Variants in PRG4 observed in about 807,000 individuals in gnomAD.
The protein encoded by PRG4 is articular superficial zone protein.
Under a neutral mutation model 91.2 loss-of-function variants are expected in PRG4, and 61 were observed. The observed-to-expected ratio is 0.67, with a 90% CI of 0.54 to 0.83. The LOEUF (loss-of-function observed/expected upper bound fraction) is 0.83. Ranked by LOEUF, PRG4 falls within the 40% of genes least tolerant of loss-of-function variation. The pLI is 0.00. For synonymous variants in PRG4, 576 were observed against 614.2 expected (o/e 0.94, Z 0.92); for missense variants, 1,564 against 1,714.2 (o/e 0.91, Z 1.55).
At chr1:186,306,231 C>A in intron 6 of PRG4, 87 bp from the exon 7 acceptor site, 1 of 1,102,682 alleles carries the variant, frequency 9.1e-7, no homozygotes, top group Non-Finnish European at 1.3e-6. Flanking sequence ...AAACACACAA[C>A]TAGTCAATGA....
In PRG4 at chr1:186,308,196, C is replaced by T. The variant is rs763280675; in HGVS notation, c.2477C>T (p.Thr826Ile). 6.2e-7 allele frequency: 1 copy of T among 1,612,150 alleles called. No individual in the cohort carries two copies. The highest frequency in any genetic ancestry group is 8.5e-7 in the Non-Finnish European group (1 of 1,179,370). ...CCTGCTCCAACTACACCTAAGGAGACTGCTCCAACTACCCCCAAGGAGCCT... is the reference window on the plus strand; with the variant it reads ...CCTGCTCCAACTACACCTAAGGAGATTGCTCCAACTACCCCCAAGGAGCCT... ...DKPAPTTPKE[T>I]APTTPKEPAP... Residue 826 changes from threonine to isoleucine, a missense_variant, in exon 7 of 13, where the codon ACT (threonine) becomes ATT (isoleucine). Physicochemically the swap from Thr to Ile is moderately conservative, Grantham distance 89. This residue lies in a region of PRG4 where 1,079 missense variants were observed against 1,162.2 expected (regional missense o/e 0.93). Transcript: ENST00000445192.
Position 186,308,000 on chromosome 1 carries a change from ACCCCTAAGGAGC to A in PRG4, c.2283_2294del (p.Pro762_Pro765del), listed in dbSNP as rs1356474978. On this transcript the variant is annotated inframe_deletion, in exon 7 of 13. Coordinates refer to ENST00000445192, the MANE Select transcript of PRG4 (RefSeq NM_005807.6). ...TACCCCTAAGGGGACTGCTCCAACT[ACCCCTAAGGAGC>A]CTGCTCCAACTACCCCTAAGGAGCC... is the stretch of plus-strand genomic sequence containing the variant. 3.7e-6 allele frequency: 6 copies of A among 1,602,834 alleles called. No individual in the cohort carries two copies. In the Admixed American group the frequency reaches 8.6e-5, roughly 23 times the overall value.
At position 186,314,139 on chromosome 1, in the gene PRG4, G is replaced by T; in HGVS notation, c.*361G>T. 1.0e-6 allele frequency: 1 copy of T among 961,832 alleles called. No individual in the cohort carries two copies. Among genetic ancestry groups the T allele is most frequent in the Non-Finnish European group, 1.5e-6 (1 of 647,086 alleles). The allele number at this position is 961,832 out of a possible 1,614,324, so 59.6% of individuals were successfully genotyped here. A position where few individuals can be genotyped will look rare whatever the true frequency, so the allele number is the denominator to read the frequency against. On this transcript the variant is annotated 3_prime_UTR_variant, in exon 13 of 13. Coordinates refer to ENST00000445192, the MANE Select transcript of PRG4 (RefSeq NM_005807.6). ...ATCTAGGCATTGTGGATATAAAACT[G>T]TTGGGTATTCTACAACTTCAATGGA...
chr1:186,309,937 G>A (rs899260993), intron 8 of PRG4, 67 bp downstream of exon 8: 68 of 1,322,514 alleles, frequency 5.1e-5, no homozygotes, highest in Admixed American at 6.7e-5. Flanking sequence ...AACCAAAGCC[G>A]TGGAAGAGTG....
intron 5 of PRG4, among the ~76,000 whole-genome samples, chr1:186,304,470 T>C (rs184556836): frequency 6.6e-6 from 1 of 152,286 alleles, no homozygotes; most frequent in East Asian, 1.9e-4. Context: ...AGCATGAGTC[T>C]GGGTTAAAAC....
rs189065502 is a variant in PRG4 at position 186,299,150 on chromosome 1, T to C, written c.77-941T>C. Among the ~76,000 whole-genome samples the C allele has an allele frequency of 1.7e-4, 26 of 152,282 alleles. No homozygotes were observed. In the East Asian group the frequency reaches 4.6e-3, roughly 27 times the overall value. On this transcript the variant is annotated intron_variant, in intron 2 of 12. Coordinates refer to ENST00000445192, the MANE Select transcript of PRG4 (RefSeq NM_005807.6). ...TCATTTCTCAGGGAGGGTTTTAAGG[T>C]GGTGTTTTCCAAATGACTTTTAAAA...
chr1:186,306,124 T>A (rs1176382688), intron 6 of PRG4, among the ~76,000 whole-genome samples, 194 bp from the exon 7 acceptor site: 1 of 152,168 alleles, frequency 6.6e-6, no homozygotes, highest in Non-Finnish European at 1.5e-5. Flanking sequence ...TCATCCCTCA[T>A]CTCATTTATT....
chr1:186,313,674 C>CA lies in PRG4; in HGVS notation c.4118-6dup. 2 of 1,553,838 alleles carry CA rather than the reference C, an allele frequency of 1.3e-6. No individual in the cohort carries two copies. The highest frequency in any genetic ancestry group is 1.8e-6 in the Non-Finnish European group (2 of 1,125,900). ...TTAACTAAAAAAATGTTTTCTCTTCCATTTAGATCAATACTATAACATTGA... is the reference window on the plus strand; with the variant it reads ...TTAACTAAAAAAATGTTTTCTCTTCCAATTTAGATCAATACTATAACATTGA... On this transcript the variant is annotated splice_polypyrimidine_tract_variant and splice_region_variant and intron_variant, in intron 12 of 12. Transcript: ENST00000445192.
At chr1:186,311,672 T>C in intron 10 of PRG4, 76 bp downstream of exon 10, 1 of 1,437,306 alleles carries the variant, frequency 7.0e-7, no homozygotes, top group Non-Finnish European at 9.8e-7. Context: ...TTATTGACTT[T>C]ACTGTCAAAA....
rs1204613117 is a variant in PRG4 at position 186,306,423 on chromosome 1, C to T, written c.704C>T (p.Thr235Ile). 1 of 1,613,348 alleles carries T rather than the reference C, an allele frequency of 6.2e-7. No individual in the cohort carries two copies. The highest frequency in any genetic ancestry group is 8.5e-7 in the Non-Finnish European group (1 of 1,179,570). Residue 235 changes from threonine (T) to isoleucine (I), a missense_variant, in exon 7 of 13, where the codon ACT (threonine) becomes ATT (isoleucine). By Grantham distance (89) the Thr-to-Ile change is moderately conservative. Coordinates refer to ENST00000445192, the MANE Select transcript of PRG4 (RefSeq NM_005807.6). ...GACAATGGTGACTTCAAGGTCACAACTCCTGACACGTCTACCACCCAACAC... is the reference window on the plus strand; with the variant it reads ...GACAATGGTGACTTCAAGGTCACAATTCCTGACACGTCTACCACCCAACAC... ...GLDNGDFKVT[T>I]PDTSTTQHNK...
Position 186,314,225 on chromosome 1 carries a change from T to C in PRG4, c.*447T>C, listed in dbSNP as rs1029793365. The C allele has an allele frequency of 4.0e-6, 2 of 505,530 alleles. No homozygotes were observed. The highest frequency in any genetic ancestry group is 1.9e-5 in the African/African-American group (1 of 51,452). The allele number at this position is 505,530 out of a possible 1,614,324, so 31.3% of individuals were successfully genotyped here. ...CACAAGTACAATCTAAAAGTTATAT[T>C]GGAAAACATGGAAATATTAAAATTT... On this transcript the variant is annotated 3_prime_UTR_variant, in exon 13 of 13. Coordinates refer to ENST00000445192, the MANE Select transcript of PRG4 (RefSeq NM_005807.6).
Position 186,307,733 on chromosome 1 carries a change from G to T in PRG4, c.2014G>T (p.Ala672Ser). Residue 672 changes from alanine to serine, a missense_variant, in exon 7 of 13, where the codon GCG (alanine) becomes TCG (serine). Ala to Ser is a moderately conservative substitution (Grantham distance 99). Coordinates refer to ENST00000445192, the MANE Select transcript of PRG4 (RefSeq NM_005807.6). ...GCCTGCTCCCACCACTCCCAAGGCA[G>T]CGGCTCCCAACACCCCTAAGGAGCC... ...EEPAPTTPKA[A>S]APNTPKEPAP... 1 of 1,568,488 alleles carries T rather than the reference G, an allele frequency of 6.4e-7. No individual in the cohort carries two copies. Among genetic ancestry groups the T allele is most frequent in the Non-Finnish European group, 8.6e-7 (1 of 1,160,756 alleles).
intron 4 of PRG4, among the ~76,000 whole-genome samples, chr1:186,303,226 C>T (rs987518251): frequency 6.6e-6 from 1 of 152,026 alleles, no homozygotes; most frequent in East Asian, 1.9e-4. Flanking sequence ...ACCATTTTGG[C>T]CAAGAACATT....
intron 3 of PRG4, among the ~76,000 whole-genome samples, chr1:186,301,299 C>T (rs925731709): frequency 3.9e-5 from 6 of 152,150 alleles, no homozygotes; most frequent in African/African-American, 1.2e-4. Context: ...AGACATTTCC[C>T]GATTTTTCTT....
rs767575886 is a variant in PRG4 at position 186,306,616 on chromosome 1, T to A, written c.897T>A (p.Asp299Glu). The A allele has an allele frequency of 1.2e-5, 20 of 1,613,400 alleles. No homozygotes were observed. The highest frequency in any genetic ancestry group is 2.7e-5 in the African/African-American group (2 of 74,858). Residue 299 changes from aspartate to glutamate, a missense_variant, in exon 7 of 13, where the codon GAT (aspartate) becomes GAA (glutamate). Transcript: ENST00000445192. ...TTTTNKQTST[D>E]GKEKTTSAKE... is the part of the protein sequence containing the mutation. ...CAACAAATAAACAGACTTCAACTGATGGAAAAGAGAAGACTACTTCCGCTA... is the reference window on the plus strand; with the variant it reads ...CAACAAATAAACAGACTTCAACTGAAGGAAAAGAGAAGACTACTTCCGCTA...
chr1:186,304,219 A>C lies in PRG4; in HGVS notation c.431A>C (p.Lys144Thr), dbSNP rs747452912. 9 of 1,613,778 alleles carry C rather than the reference A, an allele frequency of 5.6e-6. No individual in the cohort carries two copies. Among genetic ancestry groups the C allele is most frequent in the Admixed American group, 1.7e-5 (1 of 60,030 alleles). Residue 144 changes from lysine (K) to threonine (T), a missense_variant, in exon 5 of 13, where the codon AAG becomes ACG. Physicochemically the swap from Lys to Thr is moderately conservative, Grantham distance 78. This residue lies in a region of PRG4 where 437 missense variants were observed against 459.0 expected (regional missense o/e 0.95). Coordinates refer to ENST00000445192, the MANE Select transcript of PRG4 (RefSeq NM_005807.6). Reference protein sequence around the residue: ...KRSPKPPNKKKTKKVIESEEI... With the variant: ...KRSPKPPNKKTTKKVIESEEI... ...TCACCCAAACCACCAAACAAGAAGA[A>C]GACTAAGAAAGTTATAGAATCAGAG... is the stretch of plus-strand genomic sequence containing the variant.
rs753920276 is a variant in PRG4 at position 186,307,203 on chromosome 1, C to T, written c.1484C>T (p.Pro495Leu). Reference sequence around the variant, plus strand: ...CCCAAGAAGCCTGCCCCAACTACCCCCAAGGAGCCTGCACCCACCACTCCC... The same window carrying T: ...CCCAAGAAGCCTGCCCCAACTACCCTCAAGGAGCCTGCACCCACCACTCCC... ...TAPKKPAPTT[P>L]KEPAPTTPKE... is the part of the protein sequence containing the mutation. The change falls in exon 7 of 13, where the codon CCC (proline) becomes CTC (leucine). Residue 495 changes from proline (P) to leucine (L), a missense_variant. By Grantham distance (98) the Pro-to-Leu change is moderately conservative. Around this residue, in one of 3 missense-constraint regions of PRG4, gnomAD observed 1,079 missense variants for 1,162.2 expected, o/e 0.93. Coordinates refer to ENST00000445192, the MANE Select transcript of PRG4 (RefSeq NM_005807.6). 3.1e-6 allele frequency: 5 copies of T among 1,594,102 alleles called. No homozygotes were observed. In the African/African-American group the frequency reaches 4.3e-5, roughly 14 times the overall value.
At chr1:186,303,653 T>TA (rs1216152721) in intron 4 of PRG4, among the ~76,000 whole-genome samples, 1 of 151,652 alleles carries the variant, frequency 6.6e-6, no homozygotes, top group Non-Finnish European at 1.5e-5. Flanking sequence ...CTTTTGTAAT[T>TA]AAAAAAAGAA....
Position 186,314,209 on chromosome 1 carries a change from A to C in PRG4, c.*431A>C, listed in dbSNP as rs1315453704. On this transcript the variant is annotated 3_prime_UTR_variant, in exon 13 of 13. Coordinates refer to ENST00000445192, the MANE Select transcript of PRG4 (RefSeq NM_005807.6). ...ATCCCTCTTTTTGTGACACAAGTAC[A>C]ATCTAAAAGTTATATTGGAAAACAT... 5.6e-6 allele frequency: 3 copies of C among 534,972 alleles called. No individual in the cohort carries two copies. Among genetic ancestry groups the C allele is most frequent in the Middle Eastern group, 5.0e-4 (1 of 2,012 alleles). The allele number at this position is 534,972 out of a possible 1,614,324, so 33.1% of individuals were successfully genotyped here. A position where few individuals can be genotyped will look rare whatever the true frequency, so the allele number is the denominator to read the frequency against.
Sources: allele counts gnomAD v4.1 joint callset (sites outside exome capture counted in the v4.1 genomes callset), GRCh38; gene constraint gnomAD v4.1.1; regional missense constraint gnomAD v4.1.1; transcripts MANE v1.5; gene names NCBI Gene and HGNC (gene_info 2026-07-23, HGNC 2026-07-21).